DYNC1H1: variants seen among roughly 807,000 people sequenced by gnomAD.
DYNC1H1 encodes cytoplasmic dynein 1 heavy chain 1.
In DYNC1H1, 51 loss-of-function variants were observed where a neutral mutation model predicts 527.1. The observed-to-expected ratio is 0.10, with a 90% CI of 0.08 to 0.12. The LOEUF is 0.12. DYNC1H1 is among the 10% of genes least tolerant of loss of function. DYNC1H1 has a pLI of 1.00. For synonymous variants in DYNC1H1, 2,189 were observed against 2,278.8 expected, an observed-to-expected ratio of 0.96 and a Z score of 1.12; for missense variants, 2,771 against 5,971.8, an observed-to-expected ratio of 0.46 and a Z score of 17.66.
Position 102,011,782 on chromosome 14 carries a change from T to G in DYNC1H1, c.6619-93T>G, listed in dbSNP as rs2048261758. Reference sequence around the variant, plus strand: ...AAAAAAAAAAATCCACACATAATGTTTCTTGCTCACTTTCACAAGAGGTGG... The same window carrying G: ...AAAAAAAAAAATCCACACATAATGTGTCTTGCTCACTTTCACAAGAGGTGG... On this transcript the variant is annotated intron_variant, in intron 32 of 77. Transcript: ENST00000360184. This position sits in a 1 kb window ranked among gnomAD's most constrained non-coding sequence, Gnocchi z 5.3. 2 of 1,379,540 alleles carry G rather than the reference T, an allele frequency of 1.4e-6. No homozygotes were observed. Among genetic ancestry groups the G allele is most frequent in the Admixed American group, 3.4e-5 (2 of 59,102 alleles). The allele number at this position is 1,379,540 out of a possible 1,614,324, so 85.5% of individuals were successfully genotyped here.
intron 1 of DYNC1H1, among the ~76,000 whole-genome samples, chr14:101,966,889 A>G (rs1435589307): frequency 1.3e-5 from 2 of 152,200 alleles, no homozygotes; most frequent in Non-Finnish European, 2.9e-5. Context: ...TTGTCTTATG[A>G]GTACCTTTTT....
intron 1 of DYNC1H1, among the ~76,000 whole-genome samples, chr14:101,966,196 C>T (rs1169568295): frequency 6.6e-6 from 1 of 152,210 alleles, no homozygotes; most frequent in African/African-American, 2.4e-5. Context: ...TGGTTTGTTT[C>T]TTTCAAAGGC....
Position 102,015,815 on chromosome 14 carries a change from CT to C in DYNC1H1, c.7243-37del. ...GTTAGAATCGATGAAACTCGCCTGC[CT>C]TTTGAAAGATAGTTAAGTATCACTC... On this transcript the variant is annotated intron_variant, in intron 35 of 77. Coordinates refer to ENST00000360184, the MANE Select transcript of DYNC1H1 (RefSeq NM_001376.5). The surrounding 1 kb of genome is among the most constrained non-coding windows in gnomAD (Gnocchi z 6.9). The C allele has an allele frequency of 6.2e-7, 1 of 1,608,678 alleles. No homozygotes were observed. Among genetic ancestry groups the C allele is most frequent in the Non-Finnish European group, 8.5e-7 (1 of 1,176,536 alleles).
In DYNC1H1 at chr14:102,015,013, AC is replaced by A; in HGVS notation, c.7015-89del. The stretch of plus-strand genomic sequence containing the variant: ...GTATAGGAAAATTAAGTTTAAAGTC[AC>A]CCTTTCAGTGTATATATAGGTAAAA... On this transcript the variant is annotated intron_variant, in intron 34 of 77. Transcript: ENST00000360184. This position sits in a 1 kb window ranked among gnomAD's most constrained non-coding sequence, Gnocchi z 6.9. 1.4e-6 allele frequency: 2 copies of A among 1,460,222 alleles called. No individual in the cohort carries two copies. The highest frequency in any genetic ancestry group is 1.8e-5 in the Admixed American group (1 of 56,182). 90.5% of individuals were successfully genotyped at this position (1,460,222 alleles called of 1,614,324 possible). A position where few individuals can be genotyped will look rare whatever the true frequency, so the allele number is the denominator to read the frequency against.
In DYNC1H1 at chr14:102,015,263, G is replaced by T; in HGVS notation, c.7173G>T (p.Glu2391Asp). The change falls in exon 35 of 78, where the codon GAG becomes GAT. Residue 2391 changes from glutamate (E) to aspartate (D), a missense_variant. Coordinates refer to ENST00000360184, the MANE Select transcript of DYNC1H1 (RefSeq NM_001376.5). This position sits in a 1 kb window ranked among gnomAD's most constrained non-coding sequence, Gnocchi z 6.9. ...RLRSIPLDEGEDEAQRRRKGK... is the reference protein window; with the variant it reads ...RLRSIPLDEGDDEAQRRRKGK... ...GCAGCATCCCGCTGGATGAAGGGGAGGATGAGGCACAGCGGCGGCGTAAGG... is the reference window on the plus strand; with the variant it reads ...GCAGCATCCCGCTGGATGAAGGGGATGATGAGGCACAGCGGCGGCGTAAGG... The T allele has an allele frequency of 1.9e-6, 3 of 1,614,244 alleles. No homozygotes were observed. The highest frequency in any genetic ancestry group is 1.7e-6 in the Non-Finnish European group (2 of 1,180,048).
At position 102,020,970 on chromosome 14, in the gene DYNC1H1, G is replaced by C. The variant is rs2048377446; in HGVS notation, c.8507+914G>C. 6.6e-6 allele frequency among the ~76,000 whole-genome samples: 1 copy of C among 152,182 alleles called. No individual in the cohort carries two copies. The highest frequency in any genetic ancestry group is 6.5e-5 in the Admixed American group (1 of 15,268). ...AGATGAGCAGGCAAGGCAGAGTGCA[G>C]AGTATGTTGGCTGTGGCAGCCCTGT... On this transcript the variant is annotated intron_variant, in intron 42 of 77. Transcript: ENST00000360184. The surrounding 1 kb of genome is among the most constrained non-coding windows in gnomAD (Gnocchi z 4.3).
chr14:101,983,305 A>G lies in DYNC1H1; in HGVS notation c.1233+15A>G, dbSNP rs772212544. 4 of 1,614,242 alleles carry G rather than the reference A, an allele frequency of 2.5e-6. No individual in the cohort carries two copies. The highest frequency in any genetic ancestry group is 1.3e-5 in the African/African-American group (1 of 75,074). On this transcript the variant is annotated intron_variant, in intron 6 of 77. Transcript: ENST00000360184. This position sits in a 1 kb window ranked among gnomAD's most constrained non-coding sequence, Gnocchi z 5.3. ...AATTTGAAAAAGTAAGTTTGAATAT[A>G]TAAGACAACCAACCTCAAGACATTG... is the stretch of plus-strand genomic sequence containing the variant.
Position 101,967,763 on chromosome 14 carries a change from G to T in DYNC1H1, c.256+2816G>T, listed in dbSNP as rs563662563. Among the ~76,000 whole-genome samples, 6 of 152,236 alleles carry T rather than the reference G, an allele frequency of 3.9e-5. 1 individual carries two copies. The highest frequency in any genetic ancestry group is 1.4e-4 in the African/African-American group (6 of 41,546). On this transcript the variant is annotated intron_variant, in intron 1 of 77. Transcript: ENST00000360184. ...AATTGCTTGAGCCCAGGAGTTTGAC[G>T]CTGTGGTGAACTAGGATCACACCAC...
chr14:102,023,430 TC>T, intron 43 of DYNC1H1: 1 of 216,276 alleles, frequency 4.6e-6, no homozygotes, highest in Non-Finnish European at 9.4e-6. Flanking sequence ...ATGTCTGTAA[TC>T]CCAGCTATTT....
In DYNC1H1 at chr14:102,044,451, G is replaced by A. The variant is rs2048690820; in HGVS notation, c.12862G>A (p.Val4288Ile). The A allele has an allele frequency of 1.2e-6, 2 of 1,614,110 alleles. No homozygotes were observed. The highest frequency in any genetic ancestry group is 2.7e-5 in the African/African-American group (2 of 74,934). The stretch of plus-strand genomic sequence containing the variant: ...CAGTGAGTTTAAGCTGGCATGCAAG[G>A]TCGACGGACATAAAGACATTCAAAT... Reference protein sequence around the residue: ...FDSEFKLACKVDGHKDIQMPD... With the variant: ...FDSEFKLACKIDGHKDIQMPD... The change falls in exon 71 of 78, where the codon GTC (valine) becomes ATC (isoleucine). Residue 4288 changes from valine (V) to isoleucine (I), a missense_variant. By Grantham distance (29) the Val-to-Ile change is conservative (BLOSUM62 3). Transcript: ENST00000360184. This position sits in a 1 kb window ranked among gnomAD's most constrained non-coding sequence, Gnocchi z 7.1.
chr14:101,967,025 C>T lies in DYNC1H1; in HGVS notation c.256+2078C>T, dbSNP rs186734315. Among the ~76,000 whole-genome samples, 232 of 152,292 alleles carry T rather than the reference C, an allele frequency of 1.5e-3. 1 individual carries two copies. The highest frequency in any genetic ancestry group is 5.2e-3 in the African/African-American group (217 of 41,558). On this transcript the variant is annotated intron_variant, in intron 1 of 77. Transcript: ENST00000360184. ...TCCTACCTCATTTCTGTATTTATAA[C>T]AATCCTTGAAGTATTTCTACCAATT...
At position 102,044,787 on chromosome 14, in the gene DYNC1H1, T is replaced by A; in HGVS notation, c.13006+89T>A. 6.8e-7 allele frequency: 1 copy of A among 1,472,988 alleles called. No homozygotes were observed. The highest frequency in any genetic ancestry group is 9.4e-7 in the Non-Finnish European group (1 of 1,062,002). 91.2% of individuals were successfully genotyped at this position (1,472,988 alleles called of 1,614,324 possible). On this transcript the variant is annotated intron_variant, in intron 72 of 77. Coordinates refer to ENST00000360184, the MANE Select transcript of DYNC1H1 (RefSeq NM_001376.5). The surrounding 1 kb of genome is among the most constrained non-coding windows in gnomAD (Gnocchi z 7.1). The stretch of plus-strand genomic sequence containing the variant: ...GTGGCGAGGGTCCCCACACGCAGGG[T>A]GAGTGTGCACTGCTGTCCCAGGGCC...
chr14:102,024,317 A>G (rs774943845), intron 43 of DYNC1H1, among the ~76,000 whole-genome samples: 1 of 152,222 alleles, frequency 6.6e-6, no homozygotes, highest in African/African-American at 2.4e-5. Flanking sequence ...CAGTCTTGAC[A>G]TGCATTTCAT....
chr14:102,024,824 A>C (rs895138010), intron 43 of DYNC1H1, among the ~76,000 whole-genome samples: 5 of 149,802 alleles, frequency 3.3e-5, no homozygotes, highest in African/African-American at 1.2e-4. Context: ...CCTCCCAAGT[A>C]GCTGGGACTA....
rs2048264380 is a variant in DYNC1H1, at chr14:102,012,036, C to T, written c.6780C>T (p.Ser2260=). The T allele has an allele frequency of 3.1e-6, 5 of 1,614,162 alleles. No individual in the cohort carries two copies. Among genetic ancestry groups the T allele is most frequent in the Non-Finnish European group, 2.5e-6 (3 of 1,180,038 alleles). Residue 2260 remains serine, a synonymous_variant, in exon 33 of 78, where the codon AGC becomes AGT. Coordinates refer to ENST00000360184, the MANE Select transcript of DYNC1H1 (RefSeq NM_001376.5). The surrounding 1 kb of genome is among the most constrained non-coding windows in gnomAD (Gnocchi z 4.9). The part of the protein sequence containing the change: ...VAHIIDPKAI[S]KDHLYGTLDP... ...ATATCATCGACCCCAAGGCCATCAG[C>T]AAAGACCACCTCTACGGAACCCTGG...
At chr14:102,007,954 C>A (rs10133325) in intron 28 of DYNC1H1, among the ~76,000 whole-genome samples, 1 of 152,148 alleles carries the variant, frequency 6.6e-6, no homozygotes, top group Non-Finnish European at 1.5e-5. Context: ...GCAGGGAGAG[C>A]GCTCTGGTTC....
chr14:101,982,050 C>T (rs539944932), intron 5 of DYNC1H1, among the ~76,000 whole-genome samples: 37 of 152,294 alleles, frequency 2.4e-4, no homozygotes, highest in Non-Finnish European at 4.9e-4. Context: ...CCAGCAGCGG[C>T]GAGTGAGCAT....
At chr14:102,004,711 CTT>C (rs1162558953) in intron 24 of DYNC1H1, 28 bp downstream of exon 24, 2 of 1,614,030 alleles carry the variant, frequency 1.2e-6, no homozygotes, top group Non-Finnish European at 1.7e-6. Context: ...ACTTTTAAAA[CTT>C]CTCTCACATT....
rs532462158 is a variant in DYNC1H1, at chr14:102,012,612, C to T, written c.7014+142C>T. 8.6e-7 allele frequency: 1 copy of T among 1,167,248 alleles called. No homozygotes were observed. Among genetic ancestry groups the T allele is most frequent in the African/African-American group, 1.5e-5 (1 of 65,878 alleles). The allele number at this position is 1,167,248 out of a possible 1,614,324, so 72.3% of individuals were successfully genotyped here. ...TTGTGTAAGTAATTTTCAAAGATAG[C>T]ATCTCAACTGCTAGATTTTTTTTCC... On this transcript the variant is annotated intron_variant, in intron 34 of 77. Coordinates refer to ENST00000360184, the MANE Select transcript of DYNC1H1 (RefSeq NM_001376.5). The surrounding 1 kb of genome is among the most constrained non-coding windows in gnomAD (Gnocchi z 4.9).
Sources: gnomAD v4.1 joint callset for allele counts (sites outside exome capture counted in the v4.1 genomes callset) on GRCh38, gnomAD v4.1.1 for gene constraint, Gnocchi (gnomAD v3.1) non-coding constraint, MANE v1.5 for transcripts, NCBI Gene and HGNC (gene_info 2026-07-23, HGNC 2026-07-21) for gene names.